SIPA1L3: variants seen among roughly 807,000 people sequenced by gnomAD.
The protein encoded by SIPA1L3 is signal induced proliferation associated 1 like 3.
SIPA1L3 carries 59 observed loss-of-function variants against 150.1 expected under a neutral mutation model. The observed-to-expected ratio is 0.39, with a 90% CI of 0.32 to 0.49. The LOEUF (loss-of-function observed/expected upper bound fraction) is 0.49. Among genes scored for constraint, SIPA1L3 ranks in the 20% least tolerant of loss-of-function variants. The pLI is 0.86. For synonymous variants in SIPA1L3, 1,070 were observed against 1,077.6 expected (o/e 0.99, Z 0.14); for missense variants, 2,211 against 2,489.5 (o/e 0.89, Z 2.38).
intron 15 of SIPA1L3, among the ~76,000 whole-genome samples, chr19:38,169,915 C>T (rs1397761129): frequency 6.7e-6 from 1 of 150,064 alleles, no homozygotes; most frequent in Non-Finnish European, 1.5e-5. Context: ...GAAGAGGGGT[C>T]AGGGTAAGAT....
intron 18 of SIPA1L3, 123 bp from the exon 19 acceptor site, chr19:38,198,266 T>C: frequency 8.4e-7 from 1 of 1,190,874 alleles, no homozygotes; most frequent in Non-Finnish European, 1.1e-6. Context: ...CCCAGACCCC[T>C]TACCCTGCTG....
At chr19:37,973,570 A>C (rs1966998263) in intron 1 of SIPA1L3, among the ~76,000 whole-genome samples, 3 of 127,450 alleles carry the variant, frequency 2.4e-5, no homozygotes, top group African/African-American at 6.6e-5. Flanking sequence ...AGGGGGGCGC[A>C]TCTTGAAGCA....
At chr19:38,187,007 CAAA>C (rs1046528016) in intron 16 of SIPA1L3, among the ~76,000 whole-genome samples, 3 of 80,276 alleles carry the variant, frequency 3.7e-5, no homozygotes, top group African/African-American at 1.3e-4. Context: ...AACTCTGTCT[CAAA>C]AAAAAAAAAA....
chr19:38,073,925 A>C (rs1969777518), intron 2 of SIPA1L3, among the ~76,000 whole-genome samples: 1 of 152,238 alleles, frequency 6.6e-6, no homozygotes, highest in African/African-American at 2.4e-5. Context: ...CCAAAGATAC[A>C]CAACAGAACT....
intron 8 of SIPA1L3, among the ~76,000 whole-genome samples, chr19:38,117,894 TCCTG>T (rs1473315550): frequency 6.6e-6 from 1 of 152,106 alleles, no homozygotes; most frequent in Non-Finnish European, 1.5e-5. Flanking sequence ...CAAGTGATTC[TCCTG>T]CCTCAGCCTC....
rs368942102 is a variant in SIPA1L3, at chr19:38,082,908, C to G, written c.1343C>G (p.Ser448Cys). ...CERNVSFSRA[S>C]VGSPSSGEGH... ...CGCAACGTGAGCTTCTCCCGGGCTT[C>G]CGTGGGCTCCCCGAGCAGCGGCGAG... is the stretch of plus-strand genomic sequence containing the variant. The change falls in exon 3 of 22, where the codon TCC becomes TGC. Residue 448 changes from serine (S) to cysteine (C), a missense_variant. Transcript: ENST00000222345. The G allele has an allele frequency of 6.2e-7, 1 of 1,613,250 alleles. No homozygotes were observed. Among genetic ancestry groups the G allele is most frequent in the Non-Finnish European group, 8.5e-7 (1 of 1,179,898 alleles).
intron 15 of SIPA1L3, among the ~76,000 whole-genome samples, chr19:38,179,609 C>A: frequency 6.6e-6 from 1 of 152,134 alleles, no homozygotes; most frequent in South Asian, 2.1e-4. Context: ...ATTTCCTTCT[C>A]CCTTTTTTGT....
chr19:37,967,198 G>A (rs953119425), intron 1 of SIPA1L3, among the ~76,000 whole-genome samples: 1 of 151,426 alleles, frequency 6.6e-6, no homozygotes, highest in African/African-American at 2.4e-5. Flanking sequence ...CCTGATCTCT[G>A]CCCTCATCTT....
intron 1 of SIPA1L3, among the ~76,000 whole-genome samples, chr19:37,991,898 A>T (rs1174539811): frequency 6.6e-6 from 1 of 152,052 alleles, no homozygotes; most frequent in Non-Finnish European, 1.5e-5. Context: ...TTCGGGCCCC[A>T]CCCTGCACTA....
intron 15 of SIPA1L3, among the ~76,000 whole-genome samples, chr19:38,177,594 C>A (rs375683821): frequency 6.6e-6 from 1 of 152,104 alleles, no homozygotes. Context: ...GTATATCTAT[C>A]TATATATTTT....
At chr19:38,169,134 A>T (rs1218348613) in intron 15 of SIPA1L3, among the ~76,000 whole-genome samples, 1 of 152,164 alleles carries the variant, frequency 6.6e-6, no homozygotes, top group African/African-American at 2.4e-5. Flanking sequence ...CACGCCTGTA[A>T]TCCCAACACT....
intron 6 of SIPA1L3, among the ~76,000 whole-genome samples, chr19:38,101,929 C>T (rs1970513001): frequency 6.6e-6 from 1 of 152,202 alleles, no homozygotes; most frequent in South Asian, 2.1e-4. Flanking sequence ...GAACTGGCAC[C>T]ACAGGCATCA....
At chr19:37,979,513 T>C (rs1225366843) in intron 1 of SIPA1L3, among the ~76,000 whole-genome samples, 1 of 150,520 alleles carries the variant, frequency 6.6e-6, no homozygotes, top group Non-Finnish European at 1.5e-5. Flanking sequence ...GCCGAGATCG[T>C]GCCACTGCAC....
At chr19:38,145,928 A>T (rs1027213215) in intron 12 of SIPA1L3, among the ~76,000 whole-genome samples, 1 of 151,806 alleles carries the variant, frequency 6.6e-6, no homozygotes, top group African/African-American at 2.4e-5. Context: ...TGGCACGATC[A>T]TATAGCTCAC....
chr19:38,201,957 G>C lies in SIPA1L3; in HGVS notation c.5080G>C (p.Glu1694Gln). 4 of 1,613,784 alleles carry C rather than the reference G, an allele frequency of 2.5e-6. No individual in the cohort carries two copies. The highest frequency in any genetic ancestry group is 1.7e-6 in the Non-Finnish European group (2 of 1,179,894). Residue 1694 changes from glutamate to glutamine, a missense_variant, in exon 20 of 22, where the codon GAG becomes CAG. Around this residue, in one of 5 missense-constraint regions of SIPA1L3, gnomAD observed 806 missense variants for 870.1 expected, o/e 0.93. Transcript: ENST00000222345. Reference sequence around the variant, plus strand: ...TCCTGTCCACAGCCACCTGAGCCTGGAGAGGGGACCCCCGACCCCCAGGAC... The same window carrying C: ...TCCTGTCCACAGCCACCTGAGCCTGCAGAGGGGACCCCCGACCCCCAGGAC... ...HSPVHSHLSLERGPPTPRTTP... is the reference protein window; with the variant it reads ...HSPVHSHLSLQRGPPTPRTTP...
intron 4 of SIPA1L3, among the ~76,000 whole-genome samples, chr19:38,089,195 G>A (rs996987948): frequency 3.9e-5 from 6 of 151,952 alleles, no homozygotes; most frequent in Non-Finnish European, 8.8e-5. Context: ...GCACGCGCCT[G>A]TAATCCCAGC....
At chr19:38,145,534 C>CAAAAA (rs35073920) in intron 12 of SIPA1L3, among the ~76,000 whole-genome samples, 2 of 94,296 alleles carry the variant, frequency 2.1e-5, no homozygotes, top group Non-Finnish European at 4.2e-5. Flanking sequence ...AACTCCGTCT[C>CAAAAA]AAAAAAAAAA....
At chr19:38,098,722 A>G (rs185078788) in intron 4 of SIPA1L3, among the ~76,000 whole-genome samples, 4 of 152,276 alleles carry the variant, frequency 2.6e-5, no homozygotes, top group Admixed American at 1.3e-4. Flanking sequence ...AATTCTCCTC[A>G]TATCTCATTG....
At chr19:38,077,344 A>T (rs1377601633) in intron 2 of SIPA1L3, among the ~76,000 whole-genome samples, 1 of 152,072 alleles carries the variant, frequency 6.6e-6, no homozygotes, top group Non-Finnish European at 1.5e-5. Context: ...CTAGCTACTC[A>T]GAAGGCTGAG....
Sources: allele counts gnomAD v4.1 joint callset (sites outside exome capture counted in the v4.1 genomes callset), GRCh38; gene constraint gnomAD v4.1.1; regional missense constraint gnomAD v4.1.1; transcripts MANE v1.5; gene names NCBI Gene and HGNC (gene_info 2026-07-23, HGNC 2026-07-21).